Variants in HEG1 observed in about 807,000 individuals in gnomAD.
The protein encoded by HEG1 is heart development protein with EGF like domains 1.
Under a neutral mutation model 125.6 loss-of-function variants are expected in HEG1, and 56 were observed. That is an observed-to-expected ratio of 0.45 (90% CI 0.36 to 0.56). HEG1 has a LOEUF of 0.56. HEG1 is among the 20% of genes least tolerant of loss of function. The pLI is 0.00. For synonymous variants in HEG1, 644 were observed against 668.5 expected (o/e 0.96, Z 0.57); for missense variants, 1,523 against 1,670.0 (o/e 0.91, Z 1.53).
Position 125,013,278 on chromosome 3 carries a change from C to A in HEG1, c.2301G>T (p.Met767Ile). The change falls in exon 6 of 17, where the codon ATG (methionine) becomes ATT (isoleucine). Residue 767 changes from methionine to isoleucine, a missense_variant. Coordinates refer to ENST00000311127, the MANE Select transcript of HEG1 (RefSeq NM_020733.2). ...SFQTSTMTSF[M>I]TMLHSSQTAD... ...CAGTTTGACTACTATGGAGCATTGT[C>A]ATGAATGATGTCATTGTTGATGTCT... 6.2e-7 allele frequency: 1 copy of A among 1,613,950 alleles called. No individual in the cohort carries two copies. The highest frequency in any genetic ancestry group is 8.5e-7 in the Non-Finnish European group (1 of 1,179,888).
intron 3 of HEG1, among the ~76,000 whole-genome samples, chr3:125,022,724 C>T (rs1487513258): frequency 6.6e-6 from 1 of 150,456 alleles, no homozygotes; most frequent in Non-Finnish European, 1.5e-5. Context: ...GAAAAGAAAG[C>T]ATTATAGATA....
chr3:125,035,897 T>C (rs1336787727), intron 1 of HEG1, among the ~76,000 whole-genome samples: 1 of 152,070 alleles, frequency 6.6e-6, no homozygotes, highest in Admixed American at 6.6e-5. Context: ...CTTTGAGTTC[T>C]GTGAAAAATG....
intron 8 of HEG1, among the ~76,000 whole-genome samples, chr3:125,007,680 T>A (rs1160961153): frequency 1.3e-5 from 2 of 152,200 alleles, no homozygotes; most frequent in Non-Finnish European, 2.9e-5. Context: ...CAGATGGTAA[T>A]CTGATTTTAC....
At chr3:125,029,563 C>T (rs1937468794) in intron 1 of HEG1, 75 bp from the exon 2 acceptor site, 2 of 1,367,354 alleles carry the variant, frequency 1.5e-6, no homozygotes, top group East Asian at 2.3e-5. Flanking sequence ...AGAAAAGACA[C>T]CGTGAAATAC....
In HEG1 at chr3:125,019,568, A is replaced by G. The variant is rs1937305681; in HGVS notation, c.1282T>C (p.Ser428Pro). The change falls in exon 5 of 17, where the codon TCT (serine) becomes CCT (proline). Residue 428 changes from serine (S) to proline (P), a missense_variant. Physicochemically the swap from Ser to Pro is moderately conservative, Grantham distance 74. Transcript: ENST00000311127. ...TFGEHQLASS[S>P]EVQNGSPMSQ... is the part of the protein sequence containing the mutation. The stretch of plus-strand genomic sequence containing the variant: ...ATGGGACTTCCATTTTGCACCTCAG[A>G]GCTGCTGGCAAGCTGATGTTCTCCA... The G allele has an allele frequency of 6.2e-7, 1 of 1,606,320 alleles. No homozygotes were observed. Among genetic ancestry groups the G allele is most frequent in the South Asian group, 1.1e-5 (1 of 91,000 alleles).
intron 1 of HEG1, among the ~76,000 whole-genome samples, chr3:125,034,303 A>G (rs1937533328): frequency 6.6e-6 from 1 of 152,244 alleles, no homozygotes; most frequent in South Asian, 2.1e-4. Flanking sequence ...TTAGAGAAGC[A>G]AAGACTTCAA....
intron 12 of HEG1, among the ~76,000 whole-genome samples, 200 bp downstream of exon 12, chr3:124,997,489 A>G (rs915458519): frequency 6.6e-5 from 10 of 152,270 alleles, no homozygotes; most frequent in African/African-American, 2.4e-4. Context: ...CCAGACCAGC[A>G]TGCACCAGTC....
chr3:124,970,678 C>T lies in HEG1; in HGVS notation c.4120G>A (p.Glu1374Lys), dbSNP rs1235756037. ...TAAAAGTAGTCTCTTCTTCTGCTTT[C>T]ATCACTGATGAAAGACGGGTTATAC... is the stretch of plus-strand genomic sequence containing the variant. ...GQYNPSFISD[E>K]SRRRDYF Residue 1374 changes from glutamate to lysine, a missense_variant, in exon 17 of 17, where the codon GAA becomes AAA. Coordinates refer to ENST00000311127, the MANE Select transcript of HEG1 (RefSeq NM_020733.2). 2 of 1,605,204 alleles carry T rather than the reference C, an allele frequency of 1.2e-6. No homozygotes were observed.
chr3:125,039,530 G>A (rs1937575240), intron 1 of HEG1, among the ~76,000 whole-genome samples: 1 of 152,126 alleles, frequency 6.6e-6, no homozygotes, highest in Admixed American at 6.5e-5. Context: ...AGCTTCTGGG[G>A]CACACAATTG....
intron 16 of HEG1, chr3:124,972,100 G>T (rs1291320358): frequency 6.6e-6 from 1 of 152,236 alleles, no homozygotes; most frequent in Non-Finnish European, 1.5e-5. Flanking sequence ...TGCCTGGCCA[G>T]CCTGCTATTT....
Position 125,021,015 on chromosome 3 carries a change from C to G in HEG1, c.1029G>C (p.Leu343=), listed in dbSNP as rs370512191. 6.2e-7 allele frequency: 1 copy of G among 1,613,526 alleles called. No homozygotes were observed. Among genetic ancestry groups the G allele is most frequent in the African/African-American group, 1.3e-5 (1 of 74,898 alleles). ...TVFTDGGPRT[L]RSLTVSLGPV... ...GTCCCAGACTGACCGTCAAAGATCG[C>G]AGCGTTCTCGGGCCACCATCAGTGA... is the stretch of plus-strand genomic sequence containing the variant. The change falls in exon 4 of 17, where the codon CTG becomes CTC. Residue 343 remains leucine, a synonymous_variant. Transcript: ENST00000311127.
At chr3:125,045,403 T>C (rs1344235692) in intron 1 of HEG1, among the ~76,000 whole-genome samples, 1 of 152,216 alleles carries the variant, frequency 6.6e-6, no homozygotes, top group Non-Finnish European at 1.5e-5. Flanking sequence ...GTTACACAAT[T>C]CTAGCTTATT....
chr3:125,003,897 C>G (rs1231638146), intron 9 of HEG1, among the ~76,000 whole-genome samples: 1 of 152,308 alleles, frequency 6.6e-6, no homozygotes, highest in Non-Finnish European at 1.5e-5. Flanking sequence ...CTGTAATAAA[C>G]CGTAGCTGTT....
Position 124,989,121 on chromosome 3 carries a change from T to A in HEG1, c.3733+1666A>T, listed in dbSNP as rs530867240. 9.2e-5 allele frequency among the ~76,000 whole-genome samples: 14 copies of A among 152,376 alleles called. No homozygotes were observed. The East Asian group carries it at 1.9e-3, about 21-fold the overall frequency. ...GATATGTAATTCCAAGTCTCTAGAC[T>A]CTGACCTGAGAGTAGCACCATGCTG... On this transcript the variant is annotated intron_variant, in intron 14 of 16. Coordinates refer to ENST00000311127, the MANE Select transcript of HEG1 (RefSeq NM_020733.2).
chr3:124,971,466 CTCTCTT>C (rs1211317231), intron 16 of HEG1, among the ~76,000 whole-genome samples: 1 of 149,442 alleles, frequency 6.7e-6, no homozygotes, highest in African/African-American at 2.5e-5. Flanking sequence ...TTACCTTTCC[CTCTCTT>C]TCTTTCTTTT....
intron 1 of HEG1, among the ~76,000 whole-genome samples, chr3:125,034,028 T>C (rs1937523452): frequency 7.8e-6 from 1 of 127,612 alleles, no homozygotes; most frequent in African/African-American, 3.0e-5. Context: ...GCCAAAAAGG[T>C]TGGGGACCAC....
Position 125,013,273 on chromosome 3 carries a change from A to G in HEG1, c.2306T>C (p.Met769Thr). Reference sequence around the variant, plus strand: ...GTCTGCAGTTTGACTACTATGGAGCATTGTCATGAATGATGTCATTGTTGA... The same window carrying G: ...GTCTGCAGTTTGACTACTATGGAGCGTTGTCATGAATGATGTCATTGTTGA... The part of the protein sequence containing the change: ...QTSTMTSFMT[M>T]LHSSQTADLK... The change falls in exon 6 of 17, where the codon ATG (methionine) becomes ACG (threonine). Residue 769 changes from methionine (M) to threonine (T), a missense_variant. Coordinates refer to ENST00000311127, the MANE Select transcript of HEG1 (RefSeq NM_020733.2). 6.2e-7 allele frequency: 1 copy of G among 1,614,008 alleles called. No homozygotes were observed. Among genetic ancestry groups the G allele is most frequent in the Non-Finnish European group, 8.5e-7 (1 of 1,179,896 alleles).
At chr3:125,053,378 T>C (rs1937857582) in intron 1 of HEG1, among the ~76,000 whole-genome samples, 1 of 152,166 alleles carries the variant, frequency 6.6e-6, no homozygotes, top group South Asian at 2.1e-4. Context: ...TTTTTACCCC[T>C]AAATGATACT....
Position 124,970,643 on chromosome 3 carries a change from C to A in HEG1, c.*9G>T. On this transcript the variant is annotated 3_prime_UTR_variant, in exon 17 of 17. Coordinates refer to ENST00000311127, the MANE Select transcript of HEG1 (RefSeq NM_020733.2). ...GGCTCAGAGCAATGAGTCCCTCTCTCTCCTGGACTTAAAAGTAGTCTCTTC... is the reference window on the plus strand; with the variant it reads ...GGCTCAGAGCAATGAGTCCCTCTCTATCCTGGACTTAAAAGTAGTCTCTTC... 6.3e-7 allele frequency: 1 copy of A among 1,590,708 alleles called. No individual in the cohort carries two copies. The highest frequency in any genetic ancestry group is 1.3e-5 in the African/African-American group (1 of 74,674).
Sources: gnomAD v4.1 joint callset for allele counts (sites outside exome capture counted in the v4.1 genomes callset) on GRCh38, gnomAD v4.1.1 for gene constraint, MANE v1.5 for transcripts, NCBI Gene and HGNC (gene_info 2026-07-23, HGNC 2026-07-21) for gene names.